CDH12: variants seen among roughly 807,000 people sequenced by gnomAD.
CDH12 encodes the protein cadherin 12, also known as cadherin-12.
CDH12 carries 41 observed loss-of-function variants against 74.1 expected under a neutral mutation model. That is an observed-to-expected ratio of 0.55 (90% CI 0.43 to 0.72). The LOEUF is 0.72. CDH12 is among the 30% of genes least tolerant of loss of function. The pLI, the probability that CDH12 is intolerant of heterozygous loss-of-function variation, is 0.00. For synonymous variants in CDH12, 399 were observed against 355.0 expected, an observed-to-expected ratio of 1.12 and a Z score of -1.39; for missense variants, 945 against 977.2, an observed-to-expected ratio of 0.97 and a Z score of 0.44.
intron 4 of CDH12, among the ~76,000 whole-genome samples, chr5:22,131,873 G>A (rs912160749): frequency 4.6e-5 from 7 of 152,208 alleles, no homozygotes; most frequent in African/African-American, 1.4e-4. Flanking sequence ...ACTGGCCAAG[G>A]GGAGCTGGGT....
chr5:21,976,372 A>G (rs1362785141), intron 5 of CDH12, among the ~76,000 whole-genome samples: 1 of 152,026 alleles, frequency 6.6e-6, no homozygotes, highest in African/African-American at 2.4e-5. Flanking sequence ...AGTGTTGTTC[A>G]AACTGGAGAC....
chr5:22,621,761 T>C (rs930451474), intron 1 of CDH12, among the ~76,000 whole-genome samples: 3 of 152,052 alleles, frequency 2.0e-5, no homozygotes, highest in African/African-American at 7.2e-5. Flanking sequence ...TTTATATATT[T>C]CTCAAATATC....
At chr5:21,979,616 C>T (rs1185278827) in intron 5 of CDH12, among the ~76,000 whole-genome samples, 2 of 152,120 alleles carry the variant, frequency 1.3e-5, no homozygotes, top group African/African-American at 4.8e-5. Flanking sequence ...GAAAAGTGCA[C>T]ATAAAATGGA....
At chr5:22,565,959 C>T (rs1197576542) in intron 1 of CDH12, among the ~76,000 whole-genome samples, 2 of 152,064 alleles carry the variant, frequency 1.3e-5, no homozygotes, top group African/African-American at 4.8e-5. Flanking sequence ...GATCTTGGAT[C>T]CAAGCAACCA....
intron 4 of CDH12, among the ~76,000 whole-genome samples, chr5:22,114,231 G>T (rs1744966309): frequency 6.6e-6 from 1 of 152,148 alleles, no homozygotes; most frequent in South Asian, 2.1e-4. Context: ...CTCTAGAATA[G>T]ATTTTGTTTT....
chr5:22,725,668 G>T (rs1744129944), intron 1 of CDH12, among the ~76,000 whole-genome samples: 2 of 150,970 alleles, frequency 1.3e-5, no homozygotes, highest in Non-Finnish European at 3.0e-5. Context: ...ATATCCCAAG[G>T]GCCCTACCTC....
intron 6 of CDH12, among the ~76,000 whole-genome samples, chr5:21,885,371 C>G (rs949250228): frequency 6.6e-6 from 1 of 152,040 alleles, no homozygotes; most frequent in Non-Finnish European, 1.5e-5. Context: ...ATTCCAGAGC[C>G]GCTGTTCTCA....
At chr5:22,535,249 G>T (rs975871351) in intron 1 of CDH12, among the ~76,000 whole-genome samples, 1 of 150,672 alleles carries the variant, frequency 6.6e-6, no homozygotes, top group Admixed American at 6.6e-5. Flanking sequence ...CCGCTTCCCG[G>T]GTTCACGCCA....
chr5:22,036,038 C>T (rs1739158176), intron 5 of CDH12, among the ~76,000 whole-genome samples: 1 of 152,084 alleles, frequency 6.6e-6, no homozygotes, highest in Admixed American at 6.6e-5. Context: ...CCGGCATTGA[C>T]ATATAAGGGC....
At chr5:22,486,126 A>C (rs34441400) in intron 2 of CDH12, among the ~76,000 whole-genome samples, 18,875 of 152,148 alleles carry the variant, frequency 0.12, 1,188 homozygotes, top group South Asian at 0.16. Context: ...TGCCCCAGCC[A>C]GAATCACCTC....
At chr5:22,779,819 T>C (rs1207127817) in intron 1 of CDH12, among the ~76,000 whole-genome samples, 2 of 152,192 alleles carry the variant, frequency 1.3e-5, no homozygotes, top group Non-Finnish European at 2.9e-5. Flanking sequence ...ACCTTTTTTC[T>C]TTATGAAGTA....
intron 6 of CDH12, among the ~76,000 whole-genome samples, chr5:21,881,898 A>G (rs1197487406): frequency 6.6e-6 from 1 of 152,194 alleles, no homozygotes; most frequent in Non-Finnish European, 1.5e-5. Context: ...GCACCATTGT[A>G]ATTCACATGT....
At chr5:22,086,545 T>G (rs1356195965) in intron 4 of CDH12, among the ~76,000 whole-genome samples, 1 of 151,612 alleles carries the variant, frequency 6.6e-6, no homozygotes, top group East Asian at 1.9e-4. Context: ...TTGTTTGTTT[T>G]TTGCATTTTT....
chr5:21,864,171 G>A (rs1208990444), intron 6 of CDH12, among the ~76,000 whole-genome samples: 1 of 151,514 alleles, frequency 6.6e-6, no homozygotes, highest in Non-Finnish European at 1.5e-5. Flanking sequence ...TGCTACAAAG[G>A]AATGGAATAC....
At chr5:22,424,002 C>CAAAAAAAAAAA (rs1165781089) in intron 2 of CDH12, among the ~76,000 whole-genome samples, 28 of 31,200 alleles carry the variant, frequency 9.0e-4, no homozygotes, top group Non-Finnish European at 1.1e-3. Flanking sequence ...GACTCTGTCT[C>CAAAAAAAAAAA]AAAAAAAAAA....
chr5:22,814,692 G>A (rs1215096232), intron 1 of CDH12, among the ~76,000 whole-genome samples: 1 of 151,996 alleles, frequency 6.6e-6, no homozygotes, highest in Non-Finnish European at 1.5e-5. Context: ...TTCATCTATT[G>A]TGCTTATTAA....
intron 1 of CDH12, among the ~76,000 whole-genome samples, chr5:22,688,354 G>A (rs1420076442): frequency 3.3e-5 from 5 of 152,214 alleles, no homozygotes; most frequent in African/African-American, 1.2e-4. Flanking sequence ...AGTCATGTGG[G>A]TATAATGATA....
chr5:22,658,440 A>C (rs1197124195), intron 1 of CDH12, among the ~76,000 whole-genome samples: 2 of 152,132 alleles, frequency 1.3e-5, no homozygotes. Flanking sequence ...TATGTGCATA[A>C]AAGTTGATCT....
intron 1 of CDH12, among the ~76,000 whole-genome samples, chr5:22,771,922 A>C (rs932347851): frequency 6.6e-6 from 1 of 152,220 alleles, no homozygotes; most frequent in South Asian, 2.1e-4. Context: ...TGATATATAT[A>C]AACACACACG....
Sources: allele counts gnomAD v4.1 joint callset (sites outside exome capture counted in the v4.1 genomes callset), GRCh38; gene constraint gnomAD v4.1.1; transcripts MANE v1.5; gene names NCBI Gene and HGNC (gene_info 2026-07-23, HGNC 2026-07-21).